Variants in ATAD1 observed in about 807,000 individuals in gnomAD.
The protein encoded by ATAD1 is outer mitochondrial transmembrane helix translocase.
A neutral mutation model predicts 42.7 loss-of-function variants in ATAD1; 18 were observed. That is an observed-to-expected ratio of 0.42 (90% CI 0.29 to 0.63). The LOEUF is 0.63. Among genes scored for constraint, ATAD1 ranks in the 20% least tolerant of loss-of-function variants. ATAD1 has a pLI of 0.19. For missense variants in ATAD1, 294 were observed against 440.4 expected, an observed-to-expected ratio of 0.67 and a Z score of 2.98; for synonymous variants, 132 against 143.1, an observed-to-expected ratio of 0.92 and a Z score of 0.55.
chr10:87,785,678 A>T (rs969484946), intron 4 of ATAD1, among the ~76,000 whole-genome samples: 20 of 151,266 alleles, frequency 1.3e-4, no homozygotes, highest in African/African-American at 4.6e-4. Flanking sequence ...ATAAAATTCA[A>T]AATGAGAGGA....
At chr10:87,784,742 A>C (rs1855746235) in intron 4 of ATAD1, 72 bp from the exon 5 acceptor site, 8 of 1,392,802 alleles carry the variant, frequency 5.7e-6, no homozygotes, top group Non-Finnish European at 7.8e-6. Flanking sequence ...TCAATAGAAT[A>C]GTAATTCCTT....
chr10:87,794,308 C>T (rs369016309), intron 2 of ATAD1, among the ~76,000 whole-genome samples: 1 of 152,146 alleles, frequency 6.6e-6, no homozygotes, highest in African/African-American at 2.4e-5. Flanking sequence ...GTCACTGAAT[C>T]AATAGATAAT....
intron 8 of ATAD1, among the ~76,000 whole-genome samples, chr10:87,758,485 A>G (rs913651112): frequency 4.6e-5 from 7 of 152,210 alleles, no homozygotes; most frequent in African/African-American, 1.7e-4. Context: ...AGTAATTACC[A>G]TAAATGCAAA....
At position 87,761,999 on chromosome 10, in the gene ATAD1, C is replaced by T. The variant is rs182211243; in HGVS notation, c.832-5077G>A. On this transcript the variant is annotated intron_variant, in intron 8 of 9. Transcript: ENST00000680024. ...GCCTCAAGTGATCCTCCCACCATGA[C>T]CTTCAGAAGTGCTAGGATTACAGGC... 1.4e-3 allele frequency among the ~76,000 whole-genome samples: 217 copies of T among 152,200 alleles called. 1 individual carries two copies. The highest frequency in any genetic ancestry group is 3.8e-3 in the Admixed American group (58 of 15,288).
At chr10:87,763,078 CACAAAAAAAAAAAAA>C (rs1854569553) in intron 8 of ATAD1, among the ~76,000 whole-genome samples, 3 of 47,912 alleles carry the variant, frequency 6.3e-5, no homozygotes, top group African/African-American at 3.0e-4. Context: ...GAGACTCTGT[CACAAAAAAAAAAAAA>C]AAAAAAAAAA....
At chr10:87,773,321 C>T (rs17092295) in intron 6 of ATAD1, among the ~76,000 whole-genome samples, 9,928 of 152,156 alleles carry the variant, frequency 0.065, 778 homozygotes, top group East Asian at 0.33. Context: ...AAGAATATGT[C>T]ATCAGTCACC....
chr10:87,814,288 G>A (rs1175147226), intron 2 of ATAD1, 150 bp downstream of exon 2: 3 of 586,028 alleles, frequency 5.1e-6, no homozygotes, highest in Non-Finnish European at 7.9e-6. Context: ...CTAGTACTTT[G>A]TAAGAGTAAT....
chr10:87,792,405 T>C (rs945637432), intron 3 of ATAD1, among the ~76,000 whole-genome samples: 1 of 152,194 alleles, frequency 6.6e-6, no homozygotes, highest in African/African-American at 2.4e-5. Flanking sequence ...AATTAAGCAC[T>C]GTGTGACTCC....
chr10:87,829,234 ATTAT>A (rs71022510), intron 1 of ATAD1, among the ~76,000 whole-genome samples: 1,856 of 142,938 alleles, frequency 0.013, 40 homozygotes, highest in African/African-American at 0.037. Context: ...TATTTTATTT[ATTAT>A]TTATTTATTT....
intron 4 of ATAD1, among the ~76,000 whole-genome samples, chr10:87,787,159 T>C (rs1855878018): frequency 6.6e-6 from 1 of 152,214 alleles, no homozygotes; most frequent in South Asian, 2.1e-4. Context: ...TTTGCAACCT[T>C]TAAATTAGTT....
chr10:87,768,816 G>C (rs1402233413), intron 7 of ATAD1, among the ~76,000 whole-genome samples: 1 of 152,194 alleles, frequency 6.6e-6, no homozygotes, highest in Non-Finnish European at 1.5e-5. Flanking sequence ...AGCCACAGTG[G>C]CTCATGCCAG....
At chr10:87,838,903 A>G (rs1857978940) in intron 1 of ATAD1, among the ~76,000 whole-genome samples, 1 of 152,214 alleles carries the variant, frequency 6.6e-6, no homozygotes. Flanking sequence ...TGTTTTCGCC[A>G]TTCAGTCTAT....
At chr10:87,785,803 A>T (rs1278680740) in intron 4 of ATAD1, among the ~76,000 whole-genome samples, 1 of 151,994 alleles carries the variant, frequency 6.6e-6, no homozygotes, top group Non-Finnish European at 1.5e-5. Context: ...ACTTCAAAAT[A>T]ATGTTCAAGC....
chr10:87,805,865 C>T (rs1472227334), intron 2 of ATAD1, among the ~76,000 whole-genome samples: 3 of 151,924 alleles, frequency 2.0e-5, no homozygotes, highest in African/African-American at 7.3e-5. Flanking sequence ...TTACTCTCTC[C>T]AAGCTTAATT....
At chr10:87,795,083 G>A (rs1425001452) in intron 2 of ATAD1, among the ~76,000 whole-genome samples, 2 of 152,136 alleles carry the variant, frequency 1.3e-5, no homozygotes, top group African/African-American at 2.4e-5. Flanking sequence ...TTATTTAGAT[G>A]AGGAATTTAC....
upstream of ATAD1, among the ~76,000 whole-genome samples, chr10:87,821,958 A>G (rs780375672): frequency 2.0e-5 from 3 of 152,228 alleles, no homozygotes; most frequent in Non-Finnish European, 2.9e-5. Context: ...ACCTTAGCCT[A>G]AAAGGCCTAT....
upstream of ATAD1, among the ~76,000 whole-genome samples, chr10:87,821,906 GTGAA>G (rs1259426314): frequency 6.6e-6 from 1 of 152,206 alleles, no homozygotes; most frequent in Non-Finnish European, 1.5e-5. Flanking sequence ...TTCTGCCCTA[GTGAA>G]TGAAGACTGT....
chr10:87,779,702 A>G (rs1264927294), intron 5 of ATAD1, among the ~76,000 whole-genome samples: 1 of 152,238 alleles, frequency 6.6e-6, no homozygotes, highest in Non-Finnish European at 1.5e-5. Flanking sequence ...CAGATGACAA[A>G]TAAGCACATG....
At chr10:87,820,218 T>A (rs1857606390), upstream of ATAD1, among the ~76,000 whole-genome samples, 1 of 152,094 alleles carries the variant, frequency 6.6e-6, no homozygotes, top group Non-Finnish European at 1.5e-5. Flanking sequence ...CATGGACACA[T>A]GGTTTGGCAG....
Sources: allele counts gnomAD v4.1 joint callset (sites outside exome capture counted in the v4.1 genomes callset), GRCh38; gene constraint gnomAD v4.1.1; transcripts MANE v1.5; gene names NCBI Gene and HGNC (gene_info 2026-07-23, HGNC 2026-07-21).